MDN1: variants seen among roughly 807,000 people sequenced by gnomAD.
The protein encoded by MDN1 is midasin.
Under a neutral mutation model 669.2 loss-of-function variants are expected in MDN1, and 266 were observed. The observed-to-expected ratio is 0.40, with a 90% CI of 0.36 to 0.44. MDN1 has a LOEUF of 0.44. Among genes scored for constraint, MDN1 ranks in the 20% least tolerant of loss-of-function variants. MDN1 has a pLI of 1.00. For synonymous variants in MDN1, 2,385 were observed against 2,457.1 expected (o/e 0.97, Z 0.87); for missense variants, 5,940 against 6,754.0 (o/e 0.88, Z 4.22).
rs921675351 is a variant in MDN1, at chr6:89,742,399, C to T, written c.4448+751G>A. ...CTCCAGCCTGGGATAAAGAGCAAGA[C>T]TGTGTCTAAAAAAATAAACAAACAA... On this transcript the variant is annotated intron_variant, in intron 31 of 101. Transcript: ENST00000369393. Among the ~76,000 whole-genome samples, 3 of 150,982 alleles carry T rather than the reference C, an allele frequency of 2.0e-5. No homozygotes were observed. In the South Asian group the frequency reaches 6.3e-4, roughly 32 times the overall value.
At chr6:89,657,540 C>T (rs1198329898) in intron 90 of MDN1, among the ~76,000 whole-genome samples, 3 of 152,176 alleles carry the variant, frequency 2.0e-5, no homozygotes, top group African/African-American at 7.2e-5. Flanking sequence ...CAAGGAAAAG[C>T]AAAACACCGT....
At chr6:89,658,585 T>C in intron 89 of MDN1, 25 bp downstream of exon 89, 1 of 1,585,038 alleles carries the variant, frequency 6.3e-7, no homozygotes, top group East Asian at 2.3e-5. Context: ...ATTTTTAACA[T>C]AAAAAGCCAG....
At chr6:89,701,463 G>A in intron 55 of MDN1, 95 bp downstream of exon 55, 3 of 1,463,118 alleles carry the variant, frequency 2.1e-6, no homozygotes, top group Non-Finnish European at 2.8e-6. Context: ...TTCAAGACAA[G>A]GATTAATCTT....
intron 38 of MDN1, among the ~76,000 whole-genome samples, chr6:89,724,213 G>A (rs1815044418): frequency 6.6e-6 from 1 of 152,024 alleles, no homozygotes. Flanking sequence ...TTTTAAATCT[G>A]GGTGGTAGAT....
chr6:89,753,766 A>G (rs1584320129), intron 21 of MDN1, 144 bp from the exon 22 acceptor site: 1 of 730,946 alleles, frequency 1.4e-6, no homozygotes, highest in South Asian at 1.7e-5. Context: ...AGGGAAGGGT[A>G]GGCCAGGCAC....
intron 69 of MDN1, among the ~76,000 whole-genome samples, 185 bp downstream of exon 69, chr6:89,686,717 A>C (rs978667433): frequency 6.6e-6 from 1 of 152,246 alleles, no homozygotes; most frequent in African/African-American, 2.4e-5. Flanking sequence ...TTATTCTCTC[A>C]GTTAGATAAG....
intron 2 of MDN1, among the ~76,000 whole-genome samples, chr6:89,801,449 A>G (rs1767653618): frequency 6.6e-6 from 1 of 152,204 alleles, no homozygotes; most frequent in Admixed American, 6.5e-5. Context: ...TCAGGAGTTC[A>G]AGATCAGCCT....
chr6:89,708,062 G>A (rs1265484897), intron 51 of MDN1, among the ~76,000 whole-genome samples: 10 of 152,154 alleles, frequency 6.6e-5, no homozygotes. Context: ...GGCACTTTGG[G>A]AGAATGAGGC....
At chr6:89,696,063 AT>A in intron 60 of MDN1, 71 bp from the exon 61 acceptor site, 1 of 1,506,706 alleles carries the variant, frequency 6.6e-7, no homozygotes, top group South Asian at 1.3e-5. Context: ...ATACAGTATA[AT>A]TCTCTCAAGA....
chr6:89,646,419 T>G (rs561032606), intron 100 of MDN1, 121 bp downstream of exon 100: 1 of 826,674 alleles, frequency 1.2e-6, no homozygotes, highest in African/African-American at 1.7e-5. Flanking sequence ...AATTTATGTC[T>G]TTTCCTGTGG....
chr6:89,714,685 T>C lies in MDN1; in HGVS notation c.6927A>G (p.Glu2309=). Residue 2309 remains glutamate, a synonymous_variant, in exon 46 of 102, where the codon GAA becomes GAG. Transcript: ENST00000369393. The part of the protein sequence containing the change: ...ISRAMRNRGL[E]IYISGEGDAS... ...CATCCCCTTCCCCTGAAATGTAGAT[T>C]TCAAGTCCACGATTCCTCATAGCTC... The C allele has an allele frequency of 1.9e-6, 3 of 1,614,112 alleles. No homozygotes were observed. The highest frequency in any genetic ancestry group is 1.7e-6 in the Non-Finnish European group (2 of 1,180,014).
At position 89,803,483 on chromosome 6, in the gene MDN1, A is replaced by G; in HGVS notation, c.174T>C (p.Thr58=). The change falls in exon 2 of 102, where the codon ACT becomes ACC. Residue 58 remains threonine (T), a synonymous_variant. Transcript: ENST00000369393. ...GGCGAAGCTGGCGACCAACCAGCACAGTACAGTCCTTATCCAAAAGCAACT... is the reference window on the plus strand; with the variant it reads ...GGCGAAGCTGGCGACCAACCAGCACGGTACAGTCCTTATCCAAAAGCAACT... The part of the protein sequence containing the change: ...LAQLLLDKDC[T]VLVGRQLRPL... 1.2e-6 allele frequency: 2 copies of G among 1,614,214 alleles called. No homozygotes were observed. Among genetic ancestry groups the G allele is most frequent in the East Asian group, 2.2e-5 (1 of 44,890 alleles).
chr6:89,751,206 A>G (rs1169779579), intron 23 of MDN1, among the ~76,000 whole-genome samples: 1 of 152,240 alleles, frequency 6.6e-6, no homozygotes. Context: ...ATAACTTTAA[A>G]GATAGATAAA....
At chr6:89,676,592 G>A (rs567443947) in intron 76 of MDN1, among the ~76,000 whole-genome samples, 1 of 152,286 alleles carries the variant, frequency 6.6e-6, no homozygotes, top group East Asian at 1.9e-4. Flanking sequence ...GGGTTGTTGA[G>A]GGCTCAAGTA....
chr6:89,763,346 A>C (rs970405726), intron 15 of MDN1, among the ~76,000 whole-genome samples: 4 of 151,758 alleles, frequency 2.6e-5, no homozygotes, highest in Non-Finnish European at 2.9e-5. Context: ...AAAAAAAAAA[A>C]AAAAAAAAAA....
Position 89,673,244 on chromosome 6 carries a change from C to CT in MDN1, c.13465dup (p.Ser4489LysfsTer40). ...TGAACAATATTCCTTACCTCCTTGG[C>CT]TATCTGAAGTAAGCAGATGGGTCTT... On this transcript the variant is annotated frameshift_variant, in exon 80 of 102. Transcript: ENST00000369393. LOFTEE classifies it high-confidence loss of function. The CT allele has an allele frequency of 6.2e-7, 1 of 1,613,118 alleles. No individual in the cohort carries two copies. The highest frequency in any genetic ancestry group is 8.5e-7 in the Non-Finnish European group (1 of 1,179,006).
chr6:89,734,048 G>A (rs560007097), intron 33 of MDN1, among the ~76,000 whole-genome samples: 9 of 151,672 alleles, frequency 5.9e-5, no homozygotes, highest in Non-Finnish European at 1.0e-4. Context: ...ACTTTGAGAG[G>A]CTGAGGCGGG....
chr6:89,812,924 C>CT (rs1768534607), intron 1 of MDN1, among the ~76,000 whole-genome samples: 1 of 152,016 alleles, frequency 6.6e-6, no homozygotes, highest in South Asian at 2.1e-4. Context: ...CAAAGTGAGA[C>CT]TCCCCATCTC....
At chr6:89,667,171 T>C (rs77015642) in intron 84 of MDN1, among the ~76,000 whole-genome samples, 6,864 of 152,276 alleles carry the variant, frequency 0.045, 187 homozygotes, top group South Asian at 0.13. Flanking sequence ...TTAGATTTGC[T>C]TTTGCTTTTG....
Sources: gnomAD v4.1 joint callset for allele counts (sites outside exome capture counted in the v4.1 genomes callset) on GRCh38, gnomAD v4.1.1 for gene constraint, MANE v1.5 for transcripts, NCBI Gene and HGNC (gene_info 2026-07-23, HGNC 2026-07-21) for gene names.